FLYWCH2: variants seen among roughly 807,000 people sequenced by gnomAD.
FLYWCH2 encodes FLYWCH family member 2.
Under a neutral mutation model 6.0 loss-of-function variants are expected in FLYWCH2, and 2 were observed. The ratio of observed to expected loss-of-function variants is 0.33; its 90% CI spans 0.14 to 1.04. The LOEUF (loss-of-function observed/expected upper bound fraction) is 1.04. FLYWCH2 is among the 50% of genes least tolerant of loss of function. FLYWCH2 has a pLI of 0.45. For synonymous variants in FLYWCH2, 87 were observed against 79.3 expected (o/e 1.10, Z -0.52); for missense variants, 192 against 183.4 (o/e 1.05, Z -0.27).
At chr16:2,888,257 A>C (rs1202170471) in intron 1 of FLYWCH2, among the ~76,000 whole-genome samples, 1 of 151,630 alleles carries the variant, frequency 6.6e-6, no homozygotes, top group Admixed American at 6.6e-5. Context: ...CAATCCACCC[A>C]CCTTGGCCTC....
intron 1 of FLYWCH2, among the ~76,000 whole-genome samples, chr16:2,890,446 C>T (rs1221822637): frequency 4.7e-5 from 7 of 148,050 alleles, no homozygotes; most frequent in African/African-American, 1.2e-4. Context: ...CAACGTTCTG[C>T]TCTTGTTGCC....
At chr16:2,894,128 G>T (rs1022377096) in intron 1 of FLYWCH2, among the ~76,000 whole-genome samples, 2 of 152,160 alleles carry the variant, frequency 1.3e-5, no homozygotes, top group African/African-American at 4.8e-5. Context: ...CAGTCTGGGG[G>T]TCAGAGTGAG....
chr16:2,893,848 C>T (rs1210401606), intron 1 of FLYWCH2, among the ~76,000 whole-genome samples: 1 of 151,870 alleles, frequency 6.6e-6, no homozygotes, highest in East Asian at 1.9e-4. Flanking sequence ...ACATGTTAGC[C>T]AGGATGGTCT....
chr16:2,892,549 T>C (rs1285447525), intron 1 of FLYWCH2, among the ~76,000 whole-genome samples: 4 of 142,580 alleles, frequency 2.8e-5, no homozygotes, highest in Non-Finnish European at 6.1e-5. Flanking sequence ...AGGAGACAGA[T>C]GAAAATATAA....
Position 2,899,196 on chromosome 16 carries a change from C to A in FLYWCH2, c.*47C>A, listed in dbSNP as rs992271288. The A allele has an allele frequency of 3.4e-6, 5 of 1,450,476 alleles. No homozygotes were observed. The highest frequency in any genetic ancestry group is 1.9e-6 in the Non-Finnish European group (2 of 1,048,852). 89.9% of individuals were successfully genotyped at this position (1,450,476 alleles called of 1,614,324 possible). A position where few individuals can be genotyped will look rare whatever the true frequency, so the allele number is the denominator to read the frequency against. ...CCCAGGCCACCAACCCAGCCATAGG[C>A]TCTTCTCTGTCCGCAGGGCTTCTGG... On this transcript the variant is annotated 3_prime_UTR_variant, in exon 4 of 4. Transcript: ENST00000396958.
chr16:2,897,590 TAGTC>T (rs1427980253), intron 3 of FLYWCH2, among the ~76,000 whole-genome samples: 2 of 152,166 alleles, frequency 1.3e-5, no homozygotes, highest in Non-Finnish European at 2.9e-5. Context: ...TTGGGGAACA[TAGTC>T]AGGTGGGCCA....
intron 3 of FLYWCH2, among the ~76,000 whole-genome samples, chr16:2,897,186 G>C (rs148790147): frequency 1.3e-5 from 2 of 152,170 alleles, no homozygotes; most frequent in African/African-American, 2.4e-5. Flanking sequence ...TCACCGTTCA[G>C]TCACTTAGTA....
At chr16:2,885,757 C>T (rs982450928) in intron 1 of FLYWCH2, among the ~76,000 whole-genome samples, 1 of 152,244 alleles carries the variant, frequency 6.6e-6, no homozygotes, top group Admixed American at 6.5e-5. Context: ...TCCATCGAAA[C>T]GTTTTGGCTT....
At chr16:2,894,887 A>G (rs932550729) in intron 1 of FLYWCH2, among the ~76,000 whole-genome samples, 3 of 152,172 alleles carry the variant, frequency 2.0e-5, no homozygotes, top group Non-Finnish European at 2.9e-5. Context: ...CCCTCAGGAC[A>G]GACGCATTGG....
Position 2,896,599 on chromosome 16 carries a change from C to A in FLYWCH2, c.150C>A (p.Asp50Glu). The change falls in exon 3 of 4, where the codon GAC (aspartate) becomes GAA (glutamate). Residue 50 changes from aspartate (D) to glutamate (E), a missense_variant. Transcript: ENST00000396958. ...TGGTCCTGCTCACAGCCTCCAAAGA[C>A]AGCACCAAGGTGGCGGGGGCCAAGC... ...SKLVLLTASK[D>E]STKVAGAKRK... 6.2e-7 allele frequency: 1 copy of A among 1,614,180 alleles called. No individual in the cohort carries two copies. Among genetic ancestry groups the A allele is most frequent in the Non-Finnish European group, 8.5e-7 (1 of 1,180,012 alleles).
intron 3 of FLYWCH2, 59 bp from the exon 4 acceptor site, chr16:2,898,990 C>G (rs1016289711): frequency 7.0e-7 from 1 of 1,422,620 alleles, no homozygotes; most frequent in Non-Finnish European, 9.7e-7. Flanking sequence ...CCCCCAACAG[C>G]CAAGCTGAGC....
chr16:2,896,014 G>C (rs983835385), intron 2 of FLYWCH2, among the ~76,000 whole-genome samples: 2 of 152,222 alleles, frequency 1.3e-5, no homozygotes, highest in South Asian at 4.1e-4. Flanking sequence ...ACTGGAAACA[G>C]TCCTCAGGGT....
intron 1 of FLYWCH2, among the ~76,000 whole-genome samples, chr16:2,892,788 G>A (rs2069772420): frequency 6.6e-6 from 1 of 150,504 alleles, no homozygotes; most frequent in African/African-American, 2.4e-5. Context: ...AGGTTGCAGT[G>A]ATCCGAGATC....
intron 1 of FLYWCH2, among the ~76,000 whole-genome samples, chr16:2,885,924 G>T (rs937006655): frequency 6.6e-6 from 1 of 152,116 alleles, no homozygotes; most frequent in African/African-American, 2.4e-5. Flanking sequence ...TCCAAAAATG[G>T]CTGCACCATT....
intron 1 of FLYWCH2, among the ~76,000 whole-genome samples, chr16:2,884,794 A>C (rs1232874455): frequency 6.6e-6 from 1 of 151,460 alleles, no homozygotes; most frequent in Non-Finnish European, 1.5e-5. Flanking sequence ...GAAAGGCTTG[A>C]ACCCGGGAGG....
intron 3 of FLYWCH2, 144 bp downstream of exon 3, chr16:2,896,915 G>C: frequency 1.2e-6 from 1 of 808,346 alleles, no homozygotes. Context: ...CAGTGGCACA[G>C]GGGTTAGGGC....
intron 1 of FLYWCH2, among the ~76,000 whole-genome samples, chr16:2,892,545 C>T (rs901648273): frequency 1.4e-5 from 2 of 145,400 alleles, no homozygotes; most frequent in African/African-American, 5.1e-5. Flanking sequence ...ATAAAGGAGA[C>T]AGATGAAAAT....
chr16:2,896,663 G>A lies in FLYWCH2; in HGVS notation c.214G>A (p.Gly72Ser), dbSNP rs780569658. 3.5e-5 allele frequency: 56 copies of A among 1,613,082 alleles called. No individual in the cohort carries two copies. Among genetic ancestry groups the A allele is most frequent in the African/African-American group, 2.4e-4 (18 of 74,888 alleles). The change falls in exon 3 of 4, where the codon GGC becomes AGC. Residue 72 changes from glycine (G) to serine (S), a missense_variant. Coordinates refer to ENST00000396958, the MANE Select transcript of FLYWCH2 (RefSeq NM_138439.3). ...VHCVMSLGVP[G>S]PATLAKALLQ... ...CTGTGTCATGTCCCTGGGGGTGCCC[G>A]GCCCCGCCACCCTTGCCAAGGCCCT...
At chr16:2,893,267 A>G (rs2069780140) in intron 1 of FLYWCH2, among the ~76,000 whole-genome samples, 1 of 152,168 alleles carries the variant, frequency 6.6e-6, no homozygotes, top group African/African-American at 2.4e-5. Context: ...GGAGGGGCTG[A>G]AAGTCCCAAC....
Sources: gnomAD v4.1 joint callset for allele counts (sites outside exome capture counted in the v4.1 genomes callset) on GRCh38, gnomAD v4.1.1 for gene constraint, MANE v1.5 for transcripts, NCBI Gene and HGNC (gene_info 2026-07-23, HGNC 2026-07-21) for gene names.